SLC35D1: variants seen among roughly 807,000 people sequenced by gnomAD.
SLC35D1 encodes the protein solute carrier family 35 member D1.
Under a neutral mutation model 46.7 loss-of-function variants are expected in SLC35D1, and 31 were observed. The ratio of observed to expected loss-of-function variants is 0.66; its 90% CI spans 0.50 to 0.90. The LOEUF (loss-of-function observed/expected upper bound fraction) is 0.90, where lower values mean the gene tolerates loss of function less well. Among genes scored for constraint, SLC35D1 ranks in the 40% least tolerant of loss-of-function variants. The probability of loss-of-function intolerance (pLI) is 0.00; values close to 1 mark genes in which losing one functional copy is unlikely to be tolerated. For synonymous variants in SLC35D1, 195 were observed against 164.6 expected, an observed-to-expected ratio of 1.18 and a Z score of -1.41; for missense variants, 397 against 426.2, an observed-to-expected ratio of 0.93 and a Z score of 0.60.
At chr1:66,990,459 G>C in the SLC35D1 span, among the ~76,000 whole-genome samples, 2 of 151,952 alleles carry the variant, frequency 1.3e-5, no homozygotes, top group African/African-American at 2.4e-5. Context: ...TGTAGACAGG[G>C]TTTTGCTGTG....
chr1:67,044,990 C>A (rs1218038788), intron 7 of SLC35D1, among the ~76,000 whole-genome samples: 2 of 151,996 alleles, frequency 1.3e-5, no homozygotes, highest in Non-Finnish European at 2.9e-5. Flanking sequence ...TTATGGTCAC[C>A]ACAAGCATCA....
chr1:67,047,011 C>T (rs923352129), intron 7 of SLC35D1, among the ~76,000 whole-genome samples: 38 of 152,230 alleles, frequency 2.5e-4, no homozygotes, highest in Admixed American at 1.6e-3. Flanking sequence ...GCAGTGAACA[C>T]ACTTTACTTT....
the SLC35D1 span, among the ~76,000 whole-genome samples, chr1:66,981,119 G>A: frequency 1.3e-5 from 2 of 152,124 alleles, no homozygotes; most frequent in East Asian, 1.9e-4. Flanking sequence ...TTTTGTAGGT[G>A]ATACACTAAA....
At chr1:67,049,225 C>T (rs893648032) in intron 6 of SLC35D1, among the ~76,000 whole-genome samples, 2 of 151,190 alleles carry the variant, frequency 1.3e-5, no homozygotes, top group African/African-American at 2.4e-5. Flanking sequence ...ACCTGGGAGG[C>T]GGAGCTTGCA....
chr1:66,977,484 C>A, the SLC35D1 span, among the ~76,000 whole-genome samples: 1 of 152,140 alleles, frequency 6.6e-6, no homozygotes, highest in African/African-American at 2.4e-5. Flanking sequence ...AATCTTTCCT[C>A]TAACAAGTAA....
chr1:66,978,916 T>C, the SLC35D1 span, among the ~76,000 whole-genome samples: 1 of 152,252 alleles, frequency 6.6e-6, no homozygotes, highest in Non-Finnish European at 1.5e-5. Context: ...AAGATACTTT[T>C]ATCTGTAACT....
the SLC35D1 span, chr1:66,981,669 G>A: frequency 1.3e-6 from 1 of 791,750 alleles, no homozygotes; most frequent in Non-Finnish European, 2.0e-6. Flanking sequence ...TGGAATGAAT[G>A]TTAAGTGAAT....
Position 67,001,648 on chromosome 1 carries a change from A to C in SLC35D1, c.*2692T>G, listed in dbSNP as rs902314698. The C allele has an allele frequency of 6.6e-6, 1 of 152,386 alleles. No homozygotes were observed. The highest frequency in any genetic ancestry group is 1.5e-5 in the Non-Finnish European group (1 of 68,056). The allele number at this position is 152,386 out of a possible 1,614,324, so 9.4% of individuals were successfully genotyped here. A position where few individuals can be genotyped will look rare whatever the true frequency, so the allele number is the denominator to read the frequency against. ...AAAGAATTTCTGCCTAGTAAATATCAAACATGGGGCAAAAACCAGACTTTC... is the reference window on the plus strand; with the variant it reads ...AAAGAATTTCTGCCTAGTAAATATCCAACATGGGGCAAAAACCAGACTTTC... On this transcript the variant is annotated 3_prime_UTR_variant, in exon 12 of 12. Transcript: ENST00000235345.
chr1:66,998,757 C>T (rs12069383), downstream of SLC35D1, among the ~76,000 whole-genome samples: 17,438 of 152,124 alleles, frequency 0.11, 2,423 homozygotes, highest in African/African-American at 0.34. Flanking sequence ...AAATATGGTA[C>T]GATTCCACTT....
chr1:67,016,432 G>T (rs1432892337), intron 10 of SLC35D1, among the ~76,000 whole-genome samples: 1 of 151,982 alleles, frequency 6.6e-6, no homozygotes, highest in African/African-American at 2.4e-5. Flanking sequence ...TAACTTTATT[G>T]ATCCGACCAT....
intron 8 of SLC35D1, among the ~76,000 whole-genome samples, chr1:67,024,667 G>T (rs1667880664): frequency 1.3e-5 from 2 of 152,040 alleles, no homozygotes; most frequent in Non-Finnish European, 2.9e-5. Flanking sequence ...GCTTGTAGAG[G>T]TATCACCCTG....
At chr1:67,031,829 G>A (rs184808189) in intron 8 of SLC35D1, among the ~76,000 whole-genome samples, 28 of 152,248 alleles carry the variant, frequency 1.8e-4, no homozygotes, top group Admixed American at 1.1e-3. Context: ...GAAATTATTC[G>A]CTTAAACTTC....
chr1:67,016,891 A>C (rs1199141101), intron 10 of SLC35D1, among the ~76,000 whole-genome samples: 1 of 152,116 alleles, frequency 6.6e-6, no homozygotes, highest in Non-Finnish European at 1.5e-5. Context: ...AAAGCCAATA[A>C]AAAGACCCTT....
intron 8 of SLC35D1, among the ~76,000 whole-genome samples, chr1:67,024,045 A>G (rs896496639): frequency 6.6e-6 from 1 of 151,688 alleles, no homozygotes; most frequent in Non-Finnish European, 1.5e-5. Flanking sequence ...CCTGGGTTCA[A>G]GTGATTCTCC....
intron 5 of SLC35D1, among the ~76,000 whole-genome samples, chr1:67,050,102 T>A (rs1216717605): frequency 6.6e-6 from 1 of 152,202 alleles, no homozygotes; most frequent in African/African-American, 2.4e-5. Flanking sequence ...GAAGCAGAAT[T>A]TCTTTAACAG....
chr1:67,035,453 G>C (rs1037362371), intron 8 of SLC35D1, among the ~76,000 whole-genome samples: 3 of 151,940 alleles, frequency 2.0e-5, no homozygotes, highest in Non-Finnish European at 4.4e-5. Context: ...TTATCCATTT[G>C]TTTCAGCTTT....
chr1:67,010,105 G>T (rs1389503824), intron 10 of SLC35D1, among the ~76,000 whole-genome samples: 2 of 152,134 alleles, frequency 1.3e-5, no homozygotes, highest in African/African-American at 4.8e-5. Flanking sequence ...AACACCACCT[G>T]CTCTCACTTG....
At position 67,032,789 on chromosome 1, in the gene SLC35D1, A is replaced by G. The variant is rs1668044090; in HGVS notation, c.729+9447T>C. Among the ~76,000 whole-genome samples the G allele has an allele frequency of 2.6e-5, 4 of 152,252 alleles. No homozygotes were observed. The South Asian group carries it at 8.3e-4, about 32-fold the overall frequency. On this transcript the variant is annotated intron_variant, in intron 8 of 11. Transcript: ENST00000235345. ...ACAATCCAATTATACTCTTTTAGCT[A>G]TATTTTGAAATGAACAATTATCTTG...
chr1:67,009,220 A>AAT (rs1157185924), intron 10 of SLC35D1, 53 bp from the exon 11 acceptor site: 10 of 648,590 alleles, frequency 1.5e-5, no homozygotes, highest in Admixed American at 1.4e-4. Flanking sequence ...GAGCTTCTTA[A>AAT]ATATATATAA....
Sources: allele counts gnomAD v4.1 joint callset (sites outside exome capture counted in the v4.1 genomes callset), GRCh38; gene constraint gnomAD v4.1.1; transcripts MANE v1.5; gene names NCBI Gene and HGNC (gene_info 2026-07-23, HGNC 2026-07-21).